Variants in COL4A3 observed in about 807,000 individuals in gnomAD.
COL4A3 encodes collagen alpha-3(IV) chain.
In COL4A3, 135 loss-of-function variants were observed where a neutral mutation model predicts 217.4. The observed-to-expected ratio is 0.62, with a 90% CI of 0.54 to 0.72. The LOEUF (loss-of-function observed/expected upper bound fraction) is 0.72. Ranked by LOEUF, COL4A3 falls within the 30% of genes least tolerant of loss-of-function variation. The pLI is 0.00. For missense variants in COL4A3, 1,868 were observed against 2,119.9 expected, an observed-to-expected ratio of 0.88 and a Z score of 2.33; for synonymous variants, 690 against 736.3, an observed-to-expected ratio of 0.94 and a Z score of 1.02.
At chr2:227,192,378 T>C (rs1574523296) in intron 1 of COL4A3, among the ~76,000 whole-genome samples, 1 of 152,222 alleles carries the variant, frequency 6.6e-6, no homozygotes, top group Admixed American at 6.5e-5. Flanking sequence ...TAGCACACAC[T>C]ATCATATTTG....
chr2:227,170,419 C>T (rs941476873), intron 1 of COL4A3, among the ~76,000 whole-genome samples: 6 of 152,038 alleles, frequency 3.9e-5, no homozygotes, highest in African/African-American at 9.7e-5. Flanking sequence ...CACAGTTCTA[C>T]GTGGCTGGGG....
At chr2:227,279,630 T>C in intron 28 of COL4A3, 163 bp from the exon 29 acceptor site, 1 of 563,368 alleles carries the variant, frequency 1.8e-6, no homozygotes. Context: ...CCAATGTAAT[T>C]TGATTTGGAA....
chr2:227,249,511 C>T (rs1358704751), intron 9 of COL4A3, among the ~76,000 whole-genome samples: 3 of 151,788 alleles, frequency 2.0e-5, no homozygotes, highest in Admixed American at 1.3e-4. Flanking sequence ...GCTGGGATTA[C>T]AGGCATAAGC....
chr2:227,290,525 A>G (rs2072627603), intron 36 of COL4A3, among the ~76,000 whole-genome samples: 1 of 152,194 alleles, frequency 6.6e-6, no homozygotes, highest in Non-Finnish European at 1.5e-5. Context: ...CAACAAAAAA[A>G]ACAGATTTCC....
chr2:227,230,364 ATATTAT>A, intron 1 of COL4A3, among the ~76,000 whole-genome samples: 1 of 152,300 alleles, frequency 6.6e-6, no homozygotes. Flanking sequence ...AAAAGCCATA[ATATTAT>A]TATTAAGAGC....
chr2:227,293,930 C>T (rs2072902559), intron 38 of COL4A3: 13 of 366,306 alleles, frequency 3.5e-5, no homozygotes. Context: ...ATTTAATTAC[C>T]TGTTTACCAG....
chr2:227,188,858 G>A (rs2066129212), intron 1 of COL4A3, among the ~76,000 whole-genome samples: 1 of 152,194 alleles, frequency 6.6e-6, no homozygotes, highest in Admixed American at 6.5e-5. Flanking sequence ...TGTCCTCATA[G>A]CTTCCAGTAT....
intron 38 of COL4A3, chr2:227,293,868 A>G (rs1448185589): frequency 4.4e-6 from 2 of 449,776 alleles, no homozygotes; most frequent in African/African-American, 4.1e-5. Context: ...TTCTTTTCTT[A>G]TAAAGACACC....
chr2:227,213,920 GAAAAA>G (rs1251765523), intron 1 of COL4A3, among the ~76,000 whole-genome samples: 7 of 105,488 alleles, frequency 6.6e-5, no homozygotes, highest in Admixed American at 6.4e-4. Flanking sequence ...AAAAAAAAAA[GAAAAA>G]GAAAAAGAAA....
At chr2:227,206,345 T>C (rs2067100495) in intron 1 of COL4A3, among the ~76,000 whole-genome samples, 2 of 152,306 alleles carry the variant, frequency 1.3e-5, no homozygotes, top group Middle Eastern at 6.8e-3. Context: ...AGTGCTGGGA[T>C]TACAGGCCTG....
chr2:227,279,662 A>G (rs1270837899), intron 28 of COL4A3, 131 bp from the exon 29 acceptor site: 2 of 604,144 alleles, frequency 3.3e-6, no homozygotes, highest in Non-Finnish European at 5.7e-6. Flanking sequence ...TTGCTAATTT[A>G]TCAGTTGGTT....
intron 19 of COL4A3, chr2:227,260,209 A>T (rs1009148340): frequency 4.4e-6 from 2 of 453,424 alleles, no homozygotes; most frequent in African/African-American, 4.0e-5. Context: ...GACCGCGAAC[A>T]AACTCACACA....
At chr2:227,301,539 A>G (rs779505058) in intron 43 of COL4A3, among the ~76,000 whole-genome samples, 3 of 152,206 alleles carry the variant, frequency 2.0e-5, no homozygotes, top group Non-Finnish European at 4.4e-5. Context: ...CATGTTCTCC[A>G]TGATTCTTTG....
chr2:227,198,334 A>T (rs965937933), intron 1 of COL4A3, among the ~76,000 whole-genome samples: 1 of 152,226 alleles, frequency 6.6e-6, no homozygotes, highest in African/African-American at 2.4e-5. Context: ...GATTAGAACC[A>T]GGTTCTTAAC....
Position 227,164,774 on chromosome 2 carries a change from C to G in COL4A3, c.48C>G (p.Leu16=), listed in dbSNP as rs1160996300. ...APRPQVLLLP[L]LLVLLAAAPA... ...GGCCGCAGGTGCTCCTGCTGCCGCT[C>G]CTGCTGGTGCTCCTGGCGGCGGCGC... The change falls in exon 1 of 52, where the codon CTC becomes CTG. Residue 16 remains leucine (L), a synonymous_variant. Coordinates refer to ENST00000396578, the MANE Select transcript of COL4A3 (RefSeq NM_000091.5). This position sits in a 1 kb window ranked among gnomAD's most constrained non-coding sequence, Gnocchi z 4.8. The G allele has an allele frequency of 2.0e-6, 3 of 1,522,310 alleles. No homozygotes were observed. Among genetic ancestry groups the G allele is most frequent in the Non-Finnish European group, 1.8e-6 (2 of 1,142,056 alleles). The allele number at this position is 1,522,310 out of a possible 1,614,324, so 94.3% of individuals were successfully genotyped here.
intron 1 of COL4A3, among the ~76,000 whole-genome samples, chr2:227,171,652 G>A (rs2065477364): frequency 6.6e-6 from 1 of 152,168 alleles, no homozygotes; most frequent in Non-Finnish European, 1.5e-5. Flanking sequence ...AGATCAGGGT[G>A]CCAAATTGTT....
chr2:227,210,151 A>G (rs1430554703), intron 1 of COL4A3, among the ~76,000 whole-genome samples: 1 of 152,190 alleles, frequency 6.6e-6, no homozygotes, highest in Non-Finnish European at 1.5e-5. Flanking sequence ...CCAAACCTTA[A>G]CTGATGTTAA....
chr2:227,283,082 A>T (rs559351150), intron 32 of COL4A3, among the ~76,000 whole-genome samples: 4 of 151,978 alleles, frequency 2.6e-5, no homozygotes, highest in Non-Finnish European at 5.9e-5. Flanking sequence ...TTTCTTCTGG[A>T]GTCAGTTTTG....
chr2:227,252,621 C>G lies in COL4A3; in HGVS notation c.646-675C>G, dbSNP rs201035684. ...ACACACACACACACACACACACACA[C>G]TCATGCATGCACGCACCCTGAGAGA... On this transcript the variant is annotated intron_variant, in intron 11 of 51. Transcript: ENST00000396578. 4.1e-5 allele frequency among the ~76,000 whole-genome samples: 6 copies of G among 147,598 alleles called. No individual in the cohort carries two copies. The South Asian group carries it at 1.3e-3, about 32-fold the overall frequency.
Sources: allele counts gnomAD v4.1 joint callset (sites outside exome capture counted in the v4.1 genomes callset), GRCh38; gene constraint gnomAD v4.1.1; non-coding constraint Gnocchi (gnomAD v3.1); transcripts MANE v1.5; gene names NCBI Gene and HGNC (gene_info 2026-07-23, HGNC 2026-07-21).